Variants in CHAF1B observed in about 807,000 individuals in gnomAD.
CHAF1B encodes the protein CAF-1 subunit B.
Under a neutral mutation model 60.7 loss-of-function variants are expected in CHAF1B, and 10 were observed. The observed-to-expected ratio is 0.16, with a 90% CI of 0.10 to 0.28. The LOEUF is 0.28. CHAF1B is among the 10% of genes least tolerant of loss of function. The pLI, the probability that CHAF1B is intolerant of heterozygous loss-of-function variation, is 1.00. For synonymous variants in CHAF1B, 261 were observed against 266.1 expected, an observed-to-expected ratio of 0.98 and a Z score of 0.19; for missense variants, 558 against 708.4, an observed-to-expected ratio of 0.79 and a Z score of 2.41.
At chr21:36,406,016 A>T (rs1050740391) in intron 8 of CHAF1B, among the ~76,000 whole-genome samples, 1 of 152,154 alleles carries the variant, frequency 6.6e-6, no homozygotes, top group Non-Finnish European at 1.5e-5. Flanking sequence ...AGAAGATCCT[A>T]TAACACTACT....
At chr21:36,407,718 C>T (rs1169721341) in intron 8 of CHAF1B, among the ~76,000 whole-genome samples, 1 of 152,166 alleles carries the variant, frequency 6.6e-6, no homozygotes, top group Non-Finnish European at 1.5e-5. Context: ...TGACTCACGC[C>T]TGTAATCCCA....
At chr21:36,389,914 C>G (rs2086072833) in intron 3 of CHAF1B, among the ~76,000 whole-genome samples, 1 of 152,016 alleles carries the variant, frequency 6.6e-6, no homozygotes, top group Non-Finnish European at 1.5e-5. Flanking sequence ...TTCCAAAGTC[C>G]CTTGGTCTTG....
intron 3 of CHAF1B, among the ~76,000 whole-genome samples, chr21:36,391,287 T>C (rs1209309220): frequency 6.6e-6 from 1 of 152,084 alleles, no homozygotes; most frequent in African/African-American, 2.4e-5. Context: ...CTGGCCATAG[T>C]GTCCACTGAA....
At chr21:36,398,749 C>T (rs1235881404) in intron 6 of CHAF1B, among the ~76,000 whole-genome samples, 1 of 152,172 alleles carries the variant, frequency 6.6e-6, no homozygotes, top group Non-Finnish European at 1.5e-5. Context: ...TGTTTACTGG[C>T]ATAATTGCAT....
chr21:36,408,965 C>T (rs2086257266), intron 9 of CHAF1B, 135 bp downstream of exon 9: 1 of 597,456 alleles, frequency 1.7e-6, no homozygotes, highest in Non-Finnish European at 3.0e-6. Context: ...AGTGATTCTC[C>T]TGCCTCAGCC....
At chr21:36,397,620 A>T (rs1311903182) in intron 6 of CHAF1B, 109 bp downstream of exon 6, 1 of 451,902 alleles carries the variant, frequency 2.2e-6, no homozygotes, top group Admixed American at 4.1e-5. Context: ...TCTAACTTTG[A>T]TTCTTTTGTT....
chr21:36,401,391 TATAC>T (rs1318631422), intron 7 of CHAF1B, among the ~76,000 whole-genome samples: 2 of 130,414 alleles, frequency 1.5e-5, no homozygotes, highest in Non-Finnish European at 3.1e-5. Context: ...ATTTTTATAT[TATAC>T]ATAATATATA....
chr21:36,409,382 C>T lies in CHAF1B; in HGVS notation c.836C>T (p.Ala279Val). ...FSRKNLKRPI[A>V]HLPCPGKATL... ...TGCAATTAATCCATTAGGCCCATCG[C>T]TCATCTTCCATGTCCTGGAAAAGCC... The change falls in exon 10 of 14, where the codon GCT becomes GTT. Residue 279 changes from alanine (A) to valine (V), a missense_variant. Physicochemically the swap from Ala to Val is moderately conservative, Grantham distance 64. Coordinates refer to ENST00000314103, the MANE Select transcript of CHAF1B (RefSeq NM_005441.3). 1 of 1,613,154 alleles carries T rather than the reference C, an allele frequency of 6.2e-7. No homozygotes were observed. The highest frequency in any genetic ancestry group is 8.5e-7 in the Non-Finnish European group (1 of 1,179,294).
Position 36,418,816 on chromosome 21 carries a change from T to G in CHAF1B, c.*2450T>G, listed in dbSNP as rs865873001. On this transcript the variant is annotated 3_prime_UTR_variant, in exon 14 of 14. Coordinates refer to ENST00000314103, the MANE Select transcript of CHAF1B (RefSeq NM_005441.3). Reference sequence around the variant, plus strand: ...GTGAGCTGAGATGGTGCCACTGTACTCCAGCCTGGGCGACAGAGCGAGACT... The same window carrying G: ...GTGAGCTGAGATGGTGCCACTGTACGCCAGCCTGGGCGACAGAGCGAGACT... 6.8e-6 allele frequency: 1 copy of G among 146,100 alleles called. No homozygotes were observed. Among genetic ancestry groups the G allele is most frequent in the African/African-American group, 2.6e-5 (1 of 38,344 alleles). 9.1% of individuals were successfully genotyped at this position (146,100 alleles called of 1,614,324 possible). A position where few individuals can be genotyped will look rare whatever the true frequency, so the allele number is the denominator to read the frequency against.
chr21:36,387,093 A>G (rs979812251), intron 2 of CHAF1B, among the ~76,000 whole-genome samples: 1 of 152,110 alleles, frequency 6.6e-6, no homozygotes, highest in Non-Finnish European at 1.5e-5. Context: ...CCTGGTTCCT[A>G]CTGGGTAACA....
intron 11 of CHAF1B, among the ~76,000 whole-genome samples, chr21:36,412,437 A>G (rs188955722): frequency 1.3e-5 from 2 of 151,910 alleles, no homozygotes; most frequent in Admixed American, 1.3e-4. Context: ...GTGGCTCACT[A>G]CAACCTCCGC....
At position 36,399,590 on chromosome 21, in the gene CHAF1B, A is replaced by G. The variant is rs778650359; in HGVS notation, c.648A>G (p.Ile216Met). Residue 216 changes from isoleucine (I) to methionine (M), a missense_variant, in exon 7 of 14, where the codon ATA becomes ATG. Around this residue, in one of 2 missense-constraint regions of CHAF1B, gnomAD observed 325 missense variants for 493.5 expected, o/e 0.66. Transcript: ENST00000314103. ...AFNVSKMLSGIGAEGEARSYR... is the reference protein window; with the variant it reads ...AFNVSKMLSGMGAEGEARSYR... ...ATGTTTCGAAGATGCTGTCTGGAATAGGGGCTGAAGGAGAGGTATAAAATA... is the reference window on the plus strand; with the variant it reads ...ATGTTTCGAAGATGCTGTCTGGAATGGGGGCTGAAGGAGAGGTATAAAATA... The G allele has an allele frequency of 1.2e-6, 2 of 1,613,968 alleles. No individual in the cohort carries two copies.
chr21:36,414,136 A>C (rs1462856196), intron 12 of CHAF1B, among the ~76,000 whole-genome samples: 1 of 152,088 alleles, frequency 6.6e-6, no homozygotes, highest in Non-Finnish European at 1.5e-5. Context: ...GTCAGGCAGC[A>C]CAGCCTCCTG....
At chr21:36,409,619 A>G (rs548299774) in intron 10 of CHAF1B, among the ~76,000 whole-genome samples, 154 bp downstream of exon 10, 7 of 152,084 alleles carry the variant, frequency 4.6e-5, no homozygotes, top group Admixed American at 1.3e-4. Flanking sequence ...TTACATTTAA[A>G]TCTATTTATT....
At chr21:36,401,277 T>A (rs1021094602) in intron 7 of CHAF1B, among the ~76,000 whole-genome samples, 1 of 146,432 alleles carries the variant, frequency 6.8e-6, no homozygotes, top group Non-Finnish European at 1.5e-5. Context: ...CAAAAAAAAA[T>A]ATGTGTATAT....
In CHAF1B at chr21:36,415,536, T is replaced by C; in HGVS notation, c.1588+147T>C. The C allele has an allele frequency of 3.2e-6, 2 of 634,094 alleles. 1 individual carries two copies. Among genetic ancestry groups the C allele is most frequent in the Non-Finnish European group, 5.5e-6 (2 of 364,108 alleles). 39.3% of individuals were successfully genotyped at this position (634,094 alleles called of 1,614,324 possible). A position where few individuals can be genotyped will look rare whatever the true frequency, so the allele number is the denominator to read the frequency against. On this transcript the variant is annotated intron_variant, in intron 13 of 13. Coordinates refer to ENST00000314103, the MANE Select transcript of CHAF1B (RefSeq NM_005441.3). ...GGAACCATTGTTTAAACCCGCCGGCTGCCTGTTTACGCCTCAGCAGGGGGC... is the reference window on the plus strand; with the variant it reads ...GGAACCATTGTTTAAACCCGCCGGCCGCCTGTTTACGCCTCAGCAGGGGGC...
intron 13 of CHAF1B, 81 bp from the exon 14 acceptor site, chr21:36,416,194 G>C (rs2086317700): frequency 2.4e-6 from 3 of 1,225,170 alleles, no homozygotes; most frequent in South Asian, 2.7e-5. Context: ...CCGTGTCTTG[G>C]CTCTGTATTC....
At chr21:36,413,342 A>C in intron 12 of CHAF1B, 27 bp downstream of exon 12, 4 of 1,524,388 alleles carry the variant, frequency 2.6e-6, no homozygotes, top group Non-Finnish European at 3.5e-6. Context: ...ACAAGATGTC[A>C]TTGCAAAATG....
chr21:36,397,267 C>T, intron 5 of CHAF1B, 148 bp from the exon 6 acceptor site: 1 of 403,918 alleles, frequency 2.5e-6, no homozygotes, highest in East Asian at 3.7e-5. Context: ...GAGCCTGACA[C>T]AGGGTTTTAG....
Sources: allele counts gnomAD v4.1 joint callset (sites outside exome capture counted in the v4.1 genomes callset), GRCh38; gene constraint gnomAD v4.1.1; regional missense constraint gnomAD v4.1.1; transcripts MANE v1.5; gene names NCBI Gene and HGNC (gene_info 2026-07-23, HGNC 2026-07-21).